SDK1: variants seen among roughly 807,000 people sequenced by gnomAD.
SDK1 encodes protein sidekick-1.
A neutral mutation model predicts 245.5 loss-of-function variants in SDK1; 157 were observed. The ratio of observed to expected loss-of-function variants is 0.64; its 90% confidence interval spans 0.56 to 0.73. The LOEUF (loss-of-function observed/expected upper bound fraction) is 0.73, where lower values mean the gene tolerates loss of function less well. Ranked by LOEUF, SDK1 falls within the 30% of genes least tolerant of loss-of-function variation. The pLI, the probability that SDK1 is intolerant of heterozygous loss-of-function variation, is 0.00. For synonymous variants in SDK1, 1,647 were observed against 1,278.5 expected, an observed-to-expected ratio of 1.29 and a Z score of -6.15; for missense variants, 3,583 against 3,002.3, an observed-to-expected ratio of 1.19 and a Z score of -4.52.
intron 4 of SDK1, among the ~76,000 whole-genome samples, chr7:3,720,958 C>G (rs966264592): frequency 6.6e-6 from 1 of 152,182 alleles, no homozygotes; most frequent in South Asian, 2.1e-4. Flanking sequence ...GGATAGACCT[C>G]AAGAGAGTTA....
intron 1 of SDK1, among the ~76,000 whole-genome samples, chr7:3,598,548 A>T (rs1481179100): frequency 2.6e-5 from 4 of 152,248 alleles, no homozygotes; most frequent in African/African-American, 9.6e-5. Context: ...CAGGGCAGTC[A>T]AGACCAGAAT....
At chr7:3,399,018 A>C (rs1326852962) in intron 1 of SDK1, among the ~76,000 whole-genome samples, 1 of 152,010 alleles carries the variant, frequency 6.6e-6, no homozygotes, top group African/African-American at 2.4e-5. Context: ...AGCTCTTTAC[A>C]TGTTGCAACA....
chr7:4,156,323 G>A (rs1030507578), intron 30 of SDK1, among the ~76,000 whole-genome samples: 2 of 152,170 alleles, frequency 1.3e-5, no homozygotes, highest in African/African-American at 2.4e-5. Context: ...CAGGAACAGA[G>A]GGGAAATTGT....
intron 28 of SDK1, among the ~76,000 whole-genome samples, chr7:4,139,610 TG>T (rs1779390596): frequency 1.4e-5 from 1 of 69,952 alleles, no homozygotes; most frequent in African/African-American, 5.6e-5. Flanking sequence ...TATATGTGTG[TG>T]TATATGTGTG....
intron 40 of SDK1, among the ~76,000 whole-genome samples, chr7:4,227,934 T>A (rs1252375129): frequency 1.3e-5 from 2 of 152,234 alleles, no homozygotes; most frequent in Non-Finnish European, 2.9e-5. Flanking sequence ...TTCTGTCGGC[T>A]GGAGACAAGC....
Position 4,268,663 on chromosome 7 carries a change from A to G in SDK1, c.*3279A>G, listed in dbSNP as rs772505422. 1 of 1,367,714 alleles carries G rather than the reference A, an allele frequency of 7.3e-7. No individual in the cohort carries two copies. Among genetic ancestry groups the G allele is most frequent in the Non-Finnish European group, 9.8e-7 (1 of 1,021,918 alleles). 84.7% of individuals were successfully genotyped at this position (1,367,714 alleles called of 1,614,324 possible). On this transcript the variant is annotated 3_prime_UTR_variant, in exon 45 of 45. Coordinates refer to ENST00000404826, the MANE Select transcript of SDK1 (RefSeq NM_152744.4). ...GTAGCATGGTTTTTATTTCTTACGC[A>G]TTCTTGGCACACAGTGTAGCTATCC...
At chr7:4,054,407 C>G (rs1317452519) in intron 19 of SDK1, among the ~76,000 whole-genome samples, 2 of 152,168 alleles carry the variant, frequency 1.3e-5, no homozygotes, top group African/African-American at 4.8e-5. Flanking sequence ...ATTCACAGAT[C>G]CGATTTGGGT....
At chr7:3,603,602 T>C (rs1781319173) in intron 1 of SDK1, among the ~76,000 whole-genome samples, 1 of 152,172 alleles carries the variant, frequency 6.6e-6, no homozygotes, top group Non-Finnish European at 1.5e-5. Context: ...TGGGGTTTTC[T>C]AGATATACAA....
intron 25 of SDK1, among the ~76,000 whole-genome samples, chr7:4,126,255 G>A (rs980168007): frequency 3.9e-5 from 6 of 152,248 alleles, no homozygotes; most frequent in East Asian, 1.9e-4. Context: ...AGTTTAAATC[G>A]GTCCACAAGA....
At chr7:3,594,475 T>C (rs1449848125) in intron 1 of SDK1, among the ~76,000 whole-genome samples, 1 of 152,192 alleles carries the variant, frequency 6.6e-6, no homozygotes, top group Non-Finnish European at 1.5e-5. Context: ...TACCTAAGGA[T>C]GGAATTACTG....
At chr7:3,549,964 C>T (rs973455063) in intron 1 of SDK1, among the ~76,000 whole-genome samples, 3 of 152,056 alleles carry the variant, frequency 2.0e-5, no homozygotes, top group Non-Finnish European at 4.4e-5. Context: ...TTAGGGTCTC[C>T]TTTAACCTAC....
At chr7:3,321,041 A>G (rs1779789471) in intron 1 of SDK1, among the ~76,000 whole-genome samples, 1 of 152,172 alleles carries the variant, frequency 6.6e-6, no homozygotes, top group Non-Finnish European at 1.5e-5. Context: ...TGCTAATATA[A>G]CATAGGATAT....
At chr7:3,317,135 C>T (rs111488505) in intron 1 of SDK1, among the ~76,000 whole-genome samples, 2,689 of 138,632 alleles carry the variant, frequency 0.019, 83 homozygotes, top group African/African-American at 0.072. Flanking sequence ...GAGCCATGAC[C>T]GCACCACTGC....
intron 1 of SDK1, among the ~76,000 whole-genome samples, chr7:3,522,490 C>A (rs909904016): frequency 6.6e-6 from 1 of 152,222 alleles, no homozygotes; most frequent in Non-Finnish European, 1.5e-5. Flanking sequence ...AAAATAAATA[C>A]TTGGGAGTTC....
chr7:3,519,296 A>G (rs1005244296), intron 1 of SDK1, among the ~76,000 whole-genome samples: 3 of 152,162 alleles, frequency 2.0e-5, no homozygotes, highest in African/African-American at 7.2e-5. Context: ...TGTTCCCAAC[A>G]CAAAGAAGTG....
At chr7:3,355,599 C>T (rs958552427) in intron 1 of SDK1, among the ~76,000 whole-genome samples, 2 of 152,308 alleles carry the variant, frequency 1.3e-5, no homozygotes, top group Non-Finnish European at 2.9e-5. Context: ...CCTGTTCCCT[C>T]CATCTTCACG....
intron 1 of SDK1, chr7:3,338,552 G>C (rs1330856276): frequency 2.8e-6 from 1 of 358,950 alleles, no homozygotes; most frequent in Non-Finnish European, 5.3e-6. Context: ...AGAAGCAGTG[G>C]AGAGGAACCT....
intron 5 of SDK1, among the ~76,000 whole-genome samples, chr7:3,821,936 G>T (rs1218054507): frequency 6.6e-6 from 1 of 152,166 alleles, no homozygotes; most frequent in Non-Finnish European, 1.5e-5. Context: ...GACTAGATTA[G>T]ATATACATTA....
chr7:3,969,377 C>T lies in SDK1; in HGVS notation c.1667C>T (p.Ala556Val), dbSNP rs773101888. ...GCCGGCAACTACACCTGCTATGCGGCCAACACAGAGGGCTCCCTGAATGCA... is the reference window on the plus strand; with the variant it reads ...GCCGGCAACTACACCTGCTATGCGGTCAACACAGAGGGCTCCCTGAATGCA... ...QDAGNYTCYA[A>V]NTEGSLNASA... Residue 556 changes from alanine (A) to valine (V), a missense_variant, in exon 11 of 45, where the codon GCC becomes GTC. Ala to Val is a moderately conservative substitution (Grantham distance 64, BLOSUM62 0). Coordinates refer to ENST00000404826, the MANE Select transcript of SDK1 (RefSeq NM_152744.4). The T allele has an allele frequency of 2.5e-6, 4 of 1,610,446 alleles. No homozygotes were observed. Among genetic ancestry groups the T allele is most frequent in the Admixed American group, 3.4e-5 (2 of 59,472 alleles).
Sources: allele counts gnomAD v4.1 joint callset (sites outside exome capture counted in the v4.1 genomes callset), GRCh38; gene constraint gnomAD v4.1.1; transcripts MANE v1.5; gene names NCBI Gene and HGNC (gene_info 2026-07-23, HGNC 2026-07-21).